The following ADGRL2 variants were observed in gnomAD, a reference collection of about 807,000 sequenced individuals.
The protein encoded by ADGRL2 is adhesion G protein-coupled receptor L2, also known as calcium-independent alpha-latrotoxin receptor 2.
Under a neutral mutation model 157.4 loss-of-function variants are expected in ADGRL2, and 44 were observed. The observed-to-expected ratio is 0.28, with a 90% CI of 0.22 to 0.36. The LOEUF is 0.36. Ranked by LOEUF, ADGRL2 falls within the 10% of genes least tolerant of loss-of-function variation. The pLI is 1.00. For synonymous variants in ADGRL2, 585 were observed against 624.7 expected, an observed-to-expected ratio of 0.94 and a Z score of 0.95; for missense variants, 1,510 against 1,768.9, an observed-to-expected ratio of 0.85 and a Z score of 2.63.
chr1:81,347,419 G>A (rs192688077), intron 1 of ADGRL2, among the ~76,000 whole-genome samples: 5 of 152,116 alleles, frequency 3.3e-5, no homozygotes, highest in Admixed American at 2.0e-4. Context: ...AATTTCTGGT[G>A]AGGTCTTAGA....
chr1:81,954,990 T>C (rs1653022022), intron 10 of ADGRL2, among the ~76,000 whole-genome samples: 5 of 152,200 alleles, frequency 3.3e-5, no homozygotes, highest in Admixed American at 3.3e-4. Context: ...CTTAGTGATT[T>C]CACCTTTCCA....
At chr1:81,722,448 A>C (rs1268347070) in intron 1 of ADGRL2, 15 of 1,344,202 alleles carry the variant, frequency 1.1e-5, no homozygotes, top group Non-Finnish European at 1.6e-5. Context: ...GCCGTTTTGT[A>C]TGCCAAGAGG....
chr1:81,816,935 T>G (rs1270269327), intron 1 of ADGRL2, among the ~76,000 whole-genome samples: 1 of 151,372 alleles, frequency 6.6e-6, no homozygotes, highest in Non-Finnish European at 1.5e-5. Context: ...TGGTATCTCA[T>G]GAATGTTGAA....
chr1:81,991,431 A>C lies in ADGRL2; in HGVS notation c.*286A>C, dbSNP rs557507628. 2.8e-5 allele frequency: 7 copies of C among 251,636 alleles called. No individual in the cohort carries two copies. Among genetic ancestry groups the C allele is most frequent in the Non-Finnish European group, 5.4e-5 (7 of 129,994 alleles). 15.6% of individuals were successfully genotyped at this position (251,636 alleles called of 1,614,324 possible). A position where few individuals can be genotyped will look rare whatever the true frequency, so the allele number is the denominator to read the frequency against. ...TGCTGTTTAGAGAAATTGTGAAACA[A>C]GCAAAACAAAACTTTCCAGCCATTT... On this transcript the variant is annotated 3_prime_UTR_variant, in exon 24 of 24. Transcript: ENST00000686636.
intron 1 of ADGRL2, among the ~76,000 whole-genome samples, chr1:81,809,718 AAC>A (rs1313029450): frequency 1.3e-5 from 2 of 151,994 alleles, no homozygotes; most frequent in African/African-American, 4.8e-5. Flanking sequence ...TACATACATA[AAC>A]ACACATTTTA....
intron 1 of ADGRL2, among the ~76,000 whole-genome samples, chr1:81,332,203 G>A (rs905624173): frequency 1.3e-5 from 2 of 152,094 alleles, no homozygotes; most frequent in African/African-American, 4.8e-5. Flanking sequence ...CACAGCATAA[G>A]TTTTATATTC....
At chr1:81,506,752 C>T (rs1470989936) in intron 2 of ADGRL2, among the ~76,000 whole-genome samples, 3 of 150,900 alleles carry the variant, frequency 2.0e-5, no homozygotes, top group Non-Finnish European at 4.4e-5. Flanking sequence ...CAAAACAAAA[C>T]AAAAAACCAG....
chr1:81,909,143 T>A (rs1273245948), intron 3 of ADGRL2, among the ~76,000 whole-genome samples: 1 of 152,212 alleles, frequency 6.6e-6, no homozygotes, highest in African/African-American at 2.4e-5. Flanking sequence ...CTCAAAGTGC[T>A]AGGATTACAG....
At chr1:81,314,978 C>G (rs1460683804) in intron 1 of ADGRL2, among the ~76,000 whole-genome samples, 1 of 152,178 alleles carries the variant, frequency 6.6e-6, no homozygotes, top group Non-Finnish European at 1.5e-5. Context: ...GTCTTTGCAA[C>G]TCTTCCAACC....
chr1:81,416,211 G>T (rs2077030987), intron 1 of ADGRL2, among the ~76,000 whole-genome samples: 1 of 151,616 alleles, frequency 6.6e-6, no homozygotes. Flanking sequence ...TTGTAAGGGT[G>T]AAAACAGTTA....
intron 1 of ADGRL2, among the ~76,000 whole-genome samples, chr1:81,730,561 A>G (rs2149174351): frequency 6.6e-6 from 1 of 152,212 alleles, no homozygotes; most frequent in South Asian, 2.1e-4. Context: ...CATCTCTACT[A>G]AAATTACAAA....
intron 2 of ADGRL2, among the ~76,000 whole-genome samples, chr1:81,776,682 A>G (rs1210203807): frequency 1.3e-5 from 2 of 152,208 alleles, no homozygotes; most frequent in African/African-American, 4.8e-5. Context: ...ATCACATGTA[A>G]ACATGCACAT....
intron 1 of ADGRL2, among the ~76,000 whole-genome samples, chr1:81,371,091 T>C (rs928604745): frequency 1.3e-5 from 2 of 152,320 alleles, no homozygotes; most frequent in African/African-American, 4.8e-5. Context: ...TCATTTTCTG[T>C]AGTTCATTAA....
At chr1:81,417,983 C>T (rs2077060766) in intron 1 of ADGRL2, among the ~76,000 whole-genome samples, 1 of 152,132 alleles carries the variant, frequency 6.6e-6, no homozygotes, top group Non-Finnish European at 1.5e-5. Flanking sequence ...TTAAGGGGCT[C>T]ACTTGAAAAT....
At chr1:81,413,567 G>A (rs1223428415) in intron 1 of ADGRL2, among the ~76,000 whole-genome samples, 1 of 152,152 alleles carries the variant, frequency 6.6e-6, no homozygotes, top group Non-Finnish European at 1.5e-5. Flanking sequence ...CATGAAAGAT[G>A]TGAGGTTGTT....
intron 2 of ADGRL2, among the ~76,000 whole-genome samples, chr1:81,786,283 G>T (rs564246311): frequency 6.6e-6 from 1 of 152,214 alleles, no homozygotes; most frequent in East Asian, 1.9e-4. Flanking sequence ...ATAATAAAAA[G>T]TATTCTTAAT....
At position 81,338,719 on chromosome 1, in the gene ADGRL2, A is replaced by C. The variant is rs576822454; in HGVS notation, c.-302+32210A>C. The stretch of plus-strand genomic sequence containing the variant: ...TTCTTTATCCCTGGAAAACATTGCT[A>C]TTCCTCTTCTGCAAATGAGGAAATT... On this transcript the variant is annotated intron_variant, in intron 1 of 24. Coordinates refer to the ADGRL2 transcript ENST00000370721. Among the ~76,000 whole-genome samples the C allele has an allele frequency of 3.3e-5, 5 of 152,282 alleles. No individual in the cohort carries two copies. The East Asian group carries it at 7.7e-4, about 24-fold the overall frequency.
intron 1 of ADGRL2, among the ~76,000 whole-genome samples, chr1:81,383,808 C>CA (rs56660027): frequency 0.43 from 44,808 of 104,190 alleles, 10,156 homozygotes; most frequent in East Asian, 0.72. Context: ...ACTAAAAATA[C>CA]AAAAAAAAAA....
intron 2 of ADGRL2, among the ~76,000 whole-genome samples, chr1:81,496,501 G>A (rs957063074): frequency 1.3e-5 from 2 of 152,060 alleles, no homozygotes; most frequent in Admixed American, 6.6e-5. Context: ...GAGATGGGTC[G>A]TCATCCATCT....
Sources: gnomAD v4.1 joint callset for allele counts (sites outside exome capture counted in the v4.1 genomes callset) on GRCh38, gnomAD v4.1.1 for gene constraint, MANE v1.5 for transcripts, NCBI Gene and HGNC (gene_info 2026-07-23, HGNC 2026-07-21) for gene names.